Variants in MISP observed in about 807,000 individuals in gnomAD.
MISP encodes the protein mitotic interactor and substrate of PLK1.
In MISP, 51 loss-of-function variants were observed where a neutral mutation model predicts 49.3. The observed-to-expected ratio is 1.03, with a 90% CI of 0.83 to 1.31. MISP has a LOEUF of 1.31. Ranked by LOEUF, MISP falls within the 50% of genes most tolerant of loss-of-function variation. The pLI, the probability that MISP is intolerant of heterozygous loss-of-function variation, is 0.00. For missense variants in MISP, 1,084 were observed against 935.1 expected (o/e 1.16, Z -2.08); for synonymous variants, 444 against 392.6 (o/e 1.13, Z -1.55).
intron 1 of MISP, among the ~76,000 whole-genome samples, chr19:754,825 G>A (rs556474625): frequency 3.9e-5 from 6 of 152,006 alleles, no homozygotes; most frequent in African/African-American, 1.2e-4. Flanking sequence ...GGAGGAGGGC[G>A]AGGTTTGGGG....
intron 1 of MISP, among the ~76,000 whole-genome samples, chr19:754,934 T>G (rs1476613524): frequency 2.4e-4 from 12 of 49,924 alleles, no homozygotes; most frequent in South Asian, 5.0e-4. Flanking sequence ...CTGGTTTGGG[T>G]GGAAGAGGAG....
upstream of MISP, among the ~76,000 whole-genome samples, chr19:749,376 G>A (rs542816986): frequency 7.2e-5 from 11 of 152,316 alleles, no homozygotes; most frequent in African/African-American, 2.4e-4. Context: ...CCGTACCTCC[G>A]TTTCCCTATC....
intron 4 of MISP, among the ~76,000 whole-genome samples, chr19:762,512 C>T (rs908135394): frequency 3.3e-5 from 5 of 152,302 alleles, no homozygotes; most frequent in African/African-American, 1.2e-4. Context: ...CTCCACCTCC[C>T]AAAGTGCTGG....
chr19:752,187 C>T (rs2033469137), intron 1 of MISP, among the ~76,000 whole-genome samples: 1 of 152,160 alleles, frequency 6.6e-6, no homozygotes, highest in Non-Finnish European at 1.5e-5. Context: ...CAAGGTGTTG[C>T]AGGAAGAGTC....
intron 1 of MISP, 90 bp from the exon 2 acceptor site, chr19:756,800 G>A: frequency 1.5e-6 from 1 of 671,570 alleles, no homozygotes; most frequent in South Asian, 2.1e-5. Flanking sequence ...AAGGCCATTT[G>A]ATGGACCCTT....
Position 757,937 on chromosome 19 carries a change from C to A in MISP, c.991C>A (p.Leu331Met), listed in dbSNP as rs946225035. 6.2e-7 allele frequency: 1 copy of A among 1,600,026 alleles called. No individual in the cohort carries two copies. The highest frequency in any genetic ancestry group is 8.5e-7 in the Non-Finnish European group (1 of 1,178,592). Residue 331 changes from leucine to methionine, a missense_variant, in exon 2 of 5, where the codon CTG (leucine) becomes ATG (methionine). Transcript: ENST00000215582. ...ELVEIPTRPL[L>M]TKLSLITAPR... ...GGTGGAAATCCCCACCAGGCCGCTG[C>A]TGACCAAGCTGAGCCTGATCACAGC... is the stretch of plus-strand genomic sequence containing the variant.
chr19:758,749 G>A (rs1451013331), intron 2 of MISP, 23 bp downstream of exon 2: 1 of 1,591,408 alleles, frequency 6.3e-7, no homozygotes, highest in African/African-American at 1.3e-5. Flanking sequence ...TCCAGGGAGT[G>A]GCTGCTTGGC....
At position 757,426 on chromosome 19, in the gene MISP, G is replaced by C; in HGVS notation, c.480G>C (p.Thr160=). 8 of 1,597,814 alleles carry C rather than the reference G, an allele frequency of 5.0e-6. No homozygotes were observed. The highest frequency in any genetic ancestry group is 6.8e-6 in the Non-Finnish European group (8 of 1,173,000). ...TCAGGAAGAGCAGCACCGTGGCCACGCTCCAGGGCACTCCTGACCACGGAG... is the reference window on the plus strand; with the variant it reads ...TCAGGAAGAGCAGCACCGTGGCCACCCTCCAGGGCACTCCTGACCACGGAG... The part of the protein sequence containing the change: ...QAVRKSSTVA[T]LQGTPDHGDP... Residue 160 remains threonine, a synonymous_variant, in exon 2 of 5, where the codon ACG becomes ACC. Transcript: ENST00000215582.
At position 757,484 on chromosome 19, in the gene MISP, C is replaced by A; in HGVS notation, c.538C>A (p.Pro180Thr). The change falls in exon 2 of 5, where the codon CCC becomes ACC. Residue 180 changes from proline to threonine, a missense_variant. Coordinates refer to ENST00000215582, the MANE Select transcript of MISP (RefSeq NM_173481.4). ...PRTPGPPRST[P>T]LEENVVDREQ... is the part of the protein sequence containing the mutation. ...GACCCCCGGCCCACCTCGGTCCACG[C>A]CCCTGGAGGAGAACGTGGTTGACAG... 1 of 1,599,148 alleles carries A rather than the reference C, an allele frequency of 6.3e-7. No homozygotes were observed. The highest frequency in any genetic ancestry group is 8.5e-7 in the Non-Finnish European group (1 of 1,173,638).
intron 1 of MISP, among the ~76,000 whole-genome samples, chr19:751,380 G>T (rs1304452916): frequency 2.0e-5 from 3 of 152,158 alleles, no homozygotes; most frequent in Non-Finnish European, 4.4e-5. Context: ...GTACTCTGGG[G>T]CCTCAAGGGC....
chr19:749,409 G>T (rs1020358261), upstream of MISP, among the ~76,000 whole-genome samples: 2 of 152,206 alleles, frequency 1.3e-5, no homozygotes, highest in African/African-American at 4.8e-5. Context: ...AGAAAAGGAC[G>T]TGAAGGGGGT....
At chr19:762,284 G>A (rs28707562) in intron 4 of MISP, among the ~76,000 whole-genome samples, 40 of 150,972 alleles carry the variant, frequency 2.6e-4, no homozygotes, top group Admixed American at 2.4e-3. Flanking sequence ...ATGGAGTCTC[G>A]CTCTGTTGCC....
intron 1 of MISP, among the ~76,000 whole-genome samples, chr19:755,912 A>G (rs576859107): frequency 1.8e-4 from 27 of 151,736 alleles, no homozygotes; most frequent in Middle Eastern, 6.8e-3. Context: ...CAGGCTGGGC[A>G]ACAGAGCGAG....
Position 757,346 on chromosome 19 carries a change from A to G in MISP, c.400A>G (p.Arg134Gly), listed in dbSNP as rs1418153705. The change falls in exon 2 of 5, where the codon AGG becomes GGG. Residue 134 changes from arginine to glycine, a missense_variant. Physicochemically the swap from Arg to Gly is moderately radical, Grantham distance 125. Coordinates refer to ENST00000215582, the MANE Select transcript of MISP (RefSeq NM_173481.4). ...CCTGGATGCTGGGGACGCTGACCCC[A>G]GGAGGCTGTGTGACCTGGAGCGGGA... ...YRLDAGDADP[R>G]RLCDLERERW... The G allele has an allele frequency of 1.2e-6, 2 of 1,613,660 alleles. No homozygotes were observed. The highest frequency in any genetic ancestry group is 2.7e-5 in the African/African-American group (2 of 74,920).
chr19:755,820 G>T (rs1462710199), intron 1 of MISP, among the ~76,000 whole-genome samples: 1 of 152,054 alleles, frequency 6.6e-6, no homozygotes, highest in Non-Finnish European at 1.5e-5. Context: ...TGTAATCCCA[G>T]CTACTCAGGA....
chr19:760,103 A>G, intron 3 of MISP, 64 bp downstream of exon 3: 1 of 1,593,838 alleles, frequency 6.3e-7, no homozygotes, highest in Non-Finnish European at 8.6e-7. Flanking sequence ...TTAGGGCCAC[A>G]GGAAGTTCAA....
At chr19:753,858 C>T (rs1003228998) in intron 1 of MISP, among the ~76,000 whole-genome samples, 6 of 151,818 alleles carry the variant, frequency 4.0e-5, no homozygotes, top group African/African-American at 1.5e-4. Context: ...CTCACCGCAA[C>T]CTCCACCTCA....
At chr19:753,706 G>C (rs2033498694) in intron 1 of MISP, among the ~76,000 whole-genome samples, 1 of 151,790 alleles carries the variant, frequency 6.6e-6, no homozygotes, top group Admixed American at 6.6e-5. Context: ...AAAAAATGCT[G>C]CTGGTTGGTG....
Position 758,047 on chromosome 19 carries a change from G to T in MISP, c.1101G>T (p.Arg367=). ...QETQREEDHR[R]EGLHVGRAST... is the part of the protein sequence containing the mutation. ...CACAGCGTGAGGAAGACCACCGGCG[G>T]GAGGGCCTGCACGTGGGCCGGGCGT... Residue 367 remains arginine, a synonymous_variant, in exon 2 of 5, where the codon CGG becomes CGT. Coordinates refer to ENST00000215582, the MANE Select transcript of MISP (RefSeq NM_173481.4). The T allele has an allele frequency of 6.4e-7, 1 of 1,567,974 alleles. No individual in the cohort carries two copies.
Sources: allele counts gnomAD v4.1 joint callset (sites outside exome capture counted in the v4.1 genomes callset), GRCh38; gene constraint gnomAD v4.1.1; transcripts MANE v1.5; gene names NCBI Gene and HGNC (gene_info 2026-07-23, HGNC 2026-07-21).